THSD7A: variants seen among roughly 807,000 people sequenced by gnomAD.
THSD7A encodes the protein thrombospondin type 1 domain containing 7A.
Under a neutral mutation model 231.3 loss-of-function variants are expected in THSD7A, and 96 were observed. That is an observed-to-expected ratio of 0.41 (90% CI 0.35 to 0.49). THSD7A has a LOEUF of 0.49. Among genes scored for constraint, THSD7A ranks in the 20% least tolerant of loss-of-function variants. The pLI, the probability that THSD7A is intolerant of heterozygous loss-of-function variation, is 0.05. For missense variants in THSD7A, 2,290 were observed against 2,070.2 expected (o/e 1.11, Z -2.06); for synonymous variants, 940 against 743.3 (o/e 1.26, Z -4.30).
At chr7:11,407,280 T>A (rs773819109) in intron 20 of THSD7A, 26 bp downstream of exon 20, 1 of 1,566,790 alleles carries the variant, frequency 6.4e-7, no homozygotes, top group Non-Finnish European at 8.8e-7. Context: ...ACCAGTAGCC[T>A]AATATAAGTT....
At chr7:11,394,903 C>G (rs768777485) in intron 23 of THSD7A, among the ~76,000 whole-genome samples, 1 of 152,196 alleles carries the variant, frequency 6.6e-6, no homozygotes, top group Non-Finnish European at 1.5e-5. Context: ...GAAGAAACTG[C>G]ATCAACTAAT....
intron 1 of THSD7A, among the ~76,000 whole-genome samples, chr7:11,747,033 C>T (rs577319757): frequency 1.3e-5 from 2 of 151,994 alleles, no homozygotes; most frequent in Admixed American, 1.3e-4. Context: ...TTGATAGTCT[C>T]ATCAATTACC....
intron 11 of THSD7A, among the ~76,000 whole-genome samples, chr7:11,449,034 T>G (rs760200302): frequency 3.3e-5 from 5 of 152,120 alleles, no homozygotes; most frequent in South Asian, 2.1e-4. Context: ...TCTGGTACTC[T>G]GTTTAATCAT....
chr7:11,681,857 G>T (rs1479021702), intron 1 of THSD7A, among the ~76,000 whole-genome samples: 3 of 151,598 alleles, frequency 2.0e-5, no homozygotes, highest in African/African-American at 7.3e-5. Flanking sequence ...GGCAGCTAGA[G>T]AAAGGGTTCA....
intron 22 of THSD7A, among the ~76,000 whole-genome samples, chr7:11,404,880 A>C (rs1783530552): frequency 6.6e-6 from 1 of 152,150 alleles, no homozygotes; most frequent in Admixed American, 6.6e-5. Flanking sequence ...CTTAGAACGG[A>C]TCTCTAGAAC....
At chr7:11,580,876 C>T (rs866146858) in intron 4 of THSD7A, among the ~76,000 whole-genome samples, 1 of 152,018 alleles carries the variant, frequency 6.6e-6, no homozygotes. Context: ...GCACTTGTAT[C>T]CCTGAACTTA....
intron 1 of THSD7A, among the ~76,000 whole-genome samples, chr7:11,684,112 C>A (rs1410508074): frequency 1.3e-5 from 2 of 151,766 alleles, no homozygotes; most frequent in South Asian, 2.1e-4. Flanking sequence ...ACTACATAAA[C>A]AGAGTTAAAA....
intron 11 of THSD7A, among the ~76,000 whole-genome samples, chr7:11,450,534 A>C (rs1399685242): frequency 6.6e-6 from 1 of 152,060 alleles, no homozygotes; most frequent in East Asian, 1.9e-4. Flanking sequence ...CAATTCAAAC[A>C]CAGAAATACA....
intron 16 of THSD7A, among the ~76,000 whole-genome samples, chr7:11,422,946 C>T (rs555924613): frequency 5.3e-5 from 8 of 151,970 alleles, no homozygotes; most frequent in East Asian, 1.9e-4. Flanking sequence ...CCACTGTGCC[C>T]GGCCTATAAT....
In THSD7A at chr7:11,386,945, C is replaced by T. The variant is rs183225958; in HGVS notation, c.4412-4329G>A. On this transcript the variant is annotated intron_variant, in intron 23 of 27. Transcript: ENST00000423059. ...TCTGCATATGGCTAGCCAGTTTTCC[C>T]GACACCATTTATTAAATAGGGAATC... Among the ~76,000 whole-genome samples, 1,075 of 152,220 alleles carry T rather than the reference C, an allele frequency of 7.1e-3. 12 individuals carry two copies. The highest frequency in any genetic ancestry group is 0.025 in the African/African-American group (1,021 of 41,522).
At position 11,755,967 on chromosome 7, in the gene THSD7A, G is replaced by C. The variant is rs565213514; in HGVS notation, c.190+75790C>G. 2.0e-5 allele frequency among the ~76,000 whole-genome samples: 3 copies of C among 152,090 alleles called. No homozygotes were observed. The East Asian group carries it at 5.9e-4, about 30-fold the overall frequency. On this transcript the variant is annotated intron_variant, in intron 1 of 27. Coordinates refer to ENST00000423059, the MANE Select transcript of THSD7A (RefSeq NM_015204.3). ...GTAGTTCTGAAAAGATTGCCACTTT[G>C]AAAACACAATTTTCATGTGCACTTA...
intron 6 of THSD7A, among the ~76,000 whole-genome samples, chr7:11,484,345 A>G (rs1470085534): frequency 6.6e-6 from 1 of 152,050 alleles, no homozygotes; most frequent in Admixed American, 6.6e-5. Context: ...TTGTTGTCTC[A>G]GCAGTTTTGC....
chr7:11,575,276 G>A (rs1430108026), intron 4 of THSD7A, among the ~76,000 whole-genome samples: 3 of 152,124 alleles, frequency 2.0e-5, no homozygotes, highest in Non-Finnish European at 4.4e-5. Flanking sequence ...TTTTTAAAGA[G>A]ATGGCGTTAT....
chr7:11,788,782 A>G (rs1783865670), intron 1 of THSD7A, among the ~76,000 whole-genome samples: 1 of 152,052 alleles, frequency 6.6e-6, no homozygotes, highest in Non-Finnish European at 1.5e-5. Flanking sequence ...AATGGGGACA[A>G]TAATATAATC....
At chr7:11,803,024 A>C (rs868777625) in intron 1 of THSD7A, among the ~76,000 whole-genome samples, 23 of 152,282 alleles carry the variant, frequency 1.5e-4, no homozygotes, top group African/African-American at 4.8e-4. Flanking sequence ...ATAAATCTAG[A>C]AAAGGAGAGG....
intron 9 of THSD7A, among the ~76,000 whole-genome samples, chr7:11,465,840 A>AT (rs775374601): frequency 6.6e-6 from 1 of 152,148 alleles, no homozygotes; most frequent in African/African-American, 2.4e-5. Flanking sequence ...AAAAGTATTG[A>AT]TTTTTTAAAA....
At chr7:11,397,949 G>A (rs1255702261) in intron 23 of THSD7A, among the ~76,000 whole-genome samples, 1 of 152,190 alleles carries the variant, frequency 6.6e-6, no homozygotes, top group African/African-American at 2.4e-5. Context: ...TACACTGTTG[G>A]TGGGACTGTA....
At chr7:11,436,455 A>G (rs1018217037) in intron 13 of THSD7A, among the ~76,000 whole-genome samples, 1 of 152,064 alleles carries the variant, frequency 6.6e-6, no homozygotes, top group Non-Finnish European at 1.5e-5. Flanking sequence ...GCATGAAACT[A>G]GGTTATACAG....
In THSD7A at chr7:11,406,262, AAAT is replaced by A; in HGVS notation, c.4237+35_4237+37del. On this transcript the variant is annotated intron_variant, in intron 22 of 27. Transcript: ENST00000423059. This position sits in a 1 kb window ranked among gnomAD's most constrained non-coding sequence, Gnocchi z 4.7. ...CCTTCACGGCCCTTGTCCTAGGAAA[AAAT>A]AATCAGAATATGAATTCTCCTTTGC... 1 of 1,561,956 alleles carries A rather than the reference AAAT, an allele frequency of 6.4e-7. No homozygotes were observed. Among genetic ancestry groups the A allele is most frequent in the South Asian group, 1.2e-5 (1 of 81,232 alleles).
Sources: allele counts gnomAD v4.1 joint callset (sites outside exome capture counted in the v4.1 genomes callset), GRCh38; gene constraint gnomAD v4.1.1; non-coding constraint Gnocchi (gnomAD v3.1); transcripts MANE v1.5; gene names NCBI Gene and HGNC (gene_info 2026-07-23, HGNC 2026-07-21).